The following TTC39B variants were observed in gnomAD, a reference collection of about 807,000 sequenced individuals.
The protein encoded by TTC39B is tetratricopeptide repeat domain 39B.
In TTC39B, 92 loss-of-function variants were observed where a neutral mutation model predicts 96.6. That is an observed-to-expected ratio of 0.95 (90% CI 0.80 to 1.13). TTC39B has a LOEUF of 1.13. TTC39B is among the 50% of genes most tolerant of loss of function. TTC39B has a pLI of 0.00. For synonymous variants in TTC39B, 367 were observed against 299.4 expected (o/e 1.23, Z -2.33); for missense variants, 955 against 809.3 (o/e 1.18, Z -2.18).
At chr9:15,233,672 G>T (rs1366442684) in intron 2 of TTC39B, among the ~76,000 whole-genome samples, 2 of 152,224 alleles carry the variant, frequency 1.3e-5, no homozygotes, top group Non-Finnish European at 2.9e-5. Context: ...ATGGTGCCCA[G>T]GCTGGAGTGC....
intron 17 of TTC39B, among the ~76,000 whole-genome samples, chr9:15,178,360 C>T (rs1818071105): frequency 6.6e-6 from 1 of 152,090 alleles, no homozygotes; most frequent in South Asian, 2.1e-4. Flanking sequence ...CTCACTTGAG[C>T]CCAGGAGTTC....
chr9:15,301,019 C>T (rs1465316711), intron 1 of TTC39B, among the ~76,000 whole-genome samples: 10 of 151,822 alleles, frequency 6.6e-5, no homozygotes, highest in African/African-American at 2.4e-4. Flanking sequence ...TTGGTTTCTG[C>T]CCTTGACACT....
exon 20 of TTC39B, chr9:15,170,275 G>C (rs1817605521): frequency 1.1e-5 from 1 of 93,284 alleles, no homozygotes; most frequent in Non-Finnish European, 2.2e-5. Context: ...CTTGATACAG[G>C]TCCATGTGGC....
At chr9:15,234,221 G>A (rs1396454026) in intron 2 of TTC39B, among the ~76,000 whole-genome samples, 1 of 151,466 alleles carries the variant, frequency 6.6e-6, no homozygotes, top group Non-Finnish European at 1.5e-5. Flanking sequence ...GGGAAGTGAG[G>A]AGCGTCTCTG....
intron 6 of TTC39B, among the ~76,000 whole-genome samples, chr9:15,206,164 T>A (rs913261138): frequency 1.3e-5 from 2 of 152,180 alleles, no homozygotes; most frequent in African/African-American, 4.8e-5. Flanking sequence ...TCATATTAAA[T>A]CCCTTTCACA....
chr9:15,195,722 T>C (rs1028735081), intron 8 of TTC39B, among the ~76,000 whole-genome samples: 3 of 150,232 alleles, frequency 2.0e-5, no homozygotes, highest in African/African-American at 7.3e-5. Flanking sequence ...AGTGCTTATG[T>C]AGAAGCTGTA....
At chr9:15,230,923 T>G (rs925655493) in intron 2 of TTC39B, among the ~76,000 whole-genome samples, 10 of 151,712 alleles carry the variant, frequency 6.6e-5, no homozygotes, top group Non-Finnish European at 1.2e-4. Flanking sequence ...AGGCGGAGGT[T>G]GCAGTGAGCC....
chr9:15,201,908 C>A (rs1451494816), intron 7 of TTC39B, among the ~76,000 whole-genome samples: 1 of 152,168 alleles, frequency 6.6e-6, no homozygotes, highest in Non-Finnish European at 1.5e-5. Flanking sequence ...GTCAGAGACT[C>A]ATTTTTAAGA....
intron 2 of TTC39B, among the ~76,000 whole-genome samples, chr9:15,243,295 T>C (rs1410433212): frequency 2.0e-5 from 3 of 152,204 alleles, no homozygotes; most frequent in African/African-American, 7.2e-5. Context: ...TGCTGGAAAT[T>C]TGAACAGATG....
intron 1 of TTC39B, among the ~76,000 whole-genome samples, chr9:15,285,502 T>C (rs939933622): frequency 6.6e-6 from 1 of 152,220 alleles, no homozygotes; most frequent in African/African-American, 2.4e-5. Context: ...ATATCACATG[T>C]ACCGTATAAA....
chr9:15,200,903 G>A (rs1185874837), intron 7 of TTC39B, among the ~76,000 whole-genome samples: 4 of 152,204 alleles, frequency 2.6e-5, no homozygotes, highest in Non-Finnish European at 5.9e-5. Context: ...GGAGGCTGAG[G>A]CAGGAGAATC....
chr9:15,217,589 G>A (rs879311278), intron 3 of TTC39B, among the ~76,000 whole-genome samples: 1 of 152,154 alleles, frequency 6.6e-6, no homozygotes, highest in South Asian at 2.1e-4. Flanking sequence ...CTTCTGTCAA[G>A]TATCTCTCGG....
intron 2 of TTC39B, among the ~76,000 whole-genome samples, chr9:15,230,687 G>A (rs1226215303): frequency 6.6e-6 from 1 of 152,112 alleles, no homozygotes; most frequent in African/African-American, 2.4e-5. Flanking sequence ...GAACATTCAT[G>A]TACAAGTTCT....
At chr9:15,213,214 G>A (rs1820308444) in intron 4 of TTC39B, among the ~76,000 whole-genome samples, 1 of 152,128 alleles carries the variant, frequency 6.6e-6, no homozygotes, top group Admixed American at 6.6e-5. Flanking sequence ...AGAGACAGGA[G>A]ACAAAGAAGT....
intron 1 of TTC39B, among the ~76,000 whole-genome samples, chr9:15,305,631 C>G (rs1432457622): frequency 6.6e-6 from 1 of 151,202 alleles, no homozygotes; most frequent in Non-Finnish European, 1.5e-5. Flanking sequence ...TACTCTGAAA[C>G]CTAACTTCCA....
chr9:15,213,058 T>C (rs906954568), intron 4 of TTC39B, among the ~76,000 whole-genome samples: 2 of 152,090 alleles, frequency 1.3e-5, no homozygotes, highest in African/African-American at 2.4e-5. Flanking sequence ...TGTATACAGG[T>C]AAGGAATTAT....
intron 1 of TTC39B, among the ~76,000 whole-genome samples, chr9:15,271,619 G>A (rs548228752): frequency 1.3e-5 from 2 of 152,166 alleles, no homozygotes; most frequent in East Asian, 3.9e-4. Flanking sequence ...GGTAATGCTC[G>A]CCCGCCCACC....
chr9:15,289,635 C>T (rs899582751), intron 1 of TTC39B, among the ~76,000 whole-genome samples: 3 of 152,318 alleles, frequency 2.0e-5, no homozygotes, highest in South Asian at 2.1e-4. Context: ...GGAACAGATA[C>T]CACAAATCTG....
intron 8 of TTC39B, 55 bp from the exon 9 acceptor site, chr9:15,192,750 T>C (rs1818931753): frequency 7.3e-6 from 9 of 1,232,586 alleles, no homozygotes; most frequent in Middle Eastern, 1.9e-4. Flanking sequence ...TGAAAATAAA[T>C]ATTAAATCAA....
Sources: allele counts gnomAD v4.1 joint callset (sites outside exome capture counted in the v4.1 genomes callset), GRCh38; gene constraint gnomAD v4.1.1; transcripts MANE v1.5; gene names NCBI Gene and HGNC (gene_info 2026-07-23, HGNC 2026-07-21).